Variants in IGF2BP3 observed in about 807,000 individuals in gnomAD.
The protein encoded by IGF2BP3 is insulin like growth factor 2 mRNA binding protein 3, also known as insulin-like growth factor 2 mRNA-binding protein 3.
Under a neutral mutation model 73.8 loss-of-function variants are expected in IGF2BP3, and 9 were observed. The ratio of observed to expected loss-of-function variants is 0.12; its 90% confidence interval spans 0.07 to 0.21. The LOEUF (loss-of-function observed/expected upper bound fraction) is 0.21, where lower values mean the gene tolerates loss of function less well. Among genes scored for constraint, IGF2BP3 ranks in the 10% least tolerant of loss-of-function variants. IGF2BP3 has a pLI of 1.00. For missense variants in IGF2BP3, 542 were observed against 714.0 expected, an observed-to-expected ratio of 0.76 and a Z score of 2.75; for synonymous variants, 258 against 256.7, an observed-to-expected ratio of 1.01 and a Z score of -0.05.
rs768113918 is a variant in IGF2BP3, at chr7:23,469,985, C to A, written c.126G>T (p.Val42=). The A allele has an allele frequency of 6.2e-7, 1 of 1,612,644 alleles. No homozygotes were observed. The highest frequency in any genetic ancestry group is 1.7e-5 in the Admixed American group (1 of 60,006). The change falls in exon 1 of 15, where the codon GTG becomes GTT. Residue 42 remains valine, a synonymous_variant. Coordinates refer to ENST00000258729, the MANE Select transcript of IGF2BP3 (RefSeq NM_006547.3). The surrounding 1 kb of genome is among the most constrained non-coding windows in gnomAD (Gnocchi z 6.1). The part of the protein sequence containing the change: ...PFLVKTGYAF[V]DCPDESWALK... ...GGGCCCAGCTCTCGTCCGGGCAGTCCACGAACGCGTAGCCAGTCTTCACCA... is the reference window on the plus strand; with the variant it reads ...GGGCCCAGCTCTCGTCCGGGCAGTCAACGAACGCGTAGCCAGTCTTCACCA...
chr7:23,356,336 T>A (rs897131822), intron 5 of IGF2BP3, among the ~76,000 whole-genome samples: 2 of 151,754 alleles, frequency 1.3e-5, no homozygotes, highest in Non-Finnish European at 2.9e-5. Context: ...GGAGGGAGGA[T>A]CACTTGAGCC....
intron 10 of IGF2BP3, among the ~76,000 whole-genome samples, chr7:23,331,483 G>C (rs568232617): frequency 6.6e-6 from 1 of 152,064 alleles, no homozygotes; most frequent in African/African-American, 2.4e-5. Context: ...GCATAAGATG[G>C]GTGTGTACAG....
At chr7:23,373,147 T>G (rs189808205) in intron 3 of IGF2BP3, among the ~76,000 whole-genome samples, 17 of 152,358 alleles carry the variant, frequency 1.1e-4, no homozygotes, top group African/African-American at 3.8e-4. Flanking sequence ...AACTCCCATG[T>G]ATCCCCTTGC....
chr7:23,443,825 C>T (rs1230665460), intron 2 of IGF2BP3, among the ~76,000 whole-genome samples: 4 of 151,756 alleles, frequency 2.6e-5, no homozygotes, highest in South Asian at 2.1e-4. Context: ...CTGGCTAACA[C>T]GGTGAAACCC....
intron 10 of IGF2BP3, among the ~76,000 whole-genome samples, chr7:23,321,940 G>C (rs1179449065): frequency 6.6e-6 from 1 of 152,130 alleles, no homozygotes; most frequent in African/African-American, 2.4e-5. Context: ...CGTCATCAAA[G>C]ACCAAAAGTA....
intron 8 of IGF2BP3, among the ~76,000 whole-genome samples, chr7:23,344,687 A>G (rs913067906): frequency 6.6e-6 from 1 of 152,260 alleles, no homozygotes; most frequent in South Asian, 2.1e-4. Flanking sequence ...GATTATTGGT[A>G]CAAATCTCCT....
chr7:23,423,916 G>A (rs559577242), intron 2 of IGF2BP3, among the ~76,000 whole-genome samples: 6 of 151,012 alleles, frequency 4.0e-5, no homozygotes, highest in Admixed American at 3.3e-4. Context: ...TCAGAAGTTC[G>A]AGACCAGCCT....
intron 2 of IGF2BP3, among the ~76,000 whole-genome samples, chr7:23,462,906 G>A (rs993883602): frequency 2.0e-5 from 3 of 152,112 alleles, no homozygotes; most frequent in Admixed American, 6.6e-5. Flanking sequence ...AACTATGTAT[G>A]CTTGCCATCA....
chr7:23,318,034 T>G (rs953390323), intron 11 of IGF2BP3, among the ~76,000 whole-genome samples: 12 of 152,188 alleles, frequency 7.9e-5, no homozygotes, highest in African/African-American at 2.9e-4. Flanking sequence ...TTGAGTTATC[T>G]GGACCATGAT....
At chr7:23,346,309 A>T in intron 7 of IGF2BP3, 1 of 417,982 alleles carries the variant, frequency 2.4e-6, no homozygotes, top group South Asian at 3.2e-5. Flanking sequence ...ATCTTCAGTG[A>T]TGGAGTCTCT....
chr7:23,318,784 C>T (rs1041815320), intron 11 of IGF2BP3, among the ~76,000 whole-genome samples: 1 of 152,126 alleles, frequency 6.6e-6, no homozygotes, highest in African/African-American at 2.4e-5. Flanking sequence ...TTATGTTCTC[C>T]TCTCCTACTG....
intron 2 of IGF2BP3, among the ~76,000 whole-genome samples, chr7:23,428,622 G>A (rs1014661235): frequency 6.6e-6 from 1 of 150,460 alleles, no homozygotes; most frequent in Admixed American, 6.6e-5. Flanking sequence ...TGGGAAAACC[G>A]CTTGGGCCCA....
chr7:23,452,565 A>T (rs1788225936), intron 2 of IGF2BP3, among the ~76,000 whole-genome samples: 1 of 152,042 alleles, frequency 6.6e-6, no homozygotes, highest in South Asian at 2.1e-4. Context: ...ACACTTTGGG[A>T]GGCTGAGACG....
At chr7:23,384,316 A>G (rs1295792791) in intron 3 of IGF2BP3, among the ~76,000 whole-genome samples, 1 of 152,048 alleles carries the variant, frequency 6.6e-6, no homozygotes, top group Non-Finnish European at 1.5e-5. Context: ...GGGAAAGAAC[A>G]AGAGAGCAAT....
intron 10 of IGF2BP3, among the ~76,000 whole-genome samples, chr7:23,327,203 C>T (rs1784323647): frequency 6.6e-6 from 1 of 151,954 alleles, no homozygotes; most frequent in Non-Finnish European, 1.5e-5. Context: ...ATAAATTCAG[C>T]TCCCAAGTAC....
chr7:23,312,097 G>A lies in IGF2BP3; in HGVS notation c.*265C>T. The stretch of plus-strand genomic sequence containing the variant: ...TGAGACTACAACAAAGGGAAGTGCA[G>A]AGCTCTTCTCTTTCCCTCCCTCCCC... On this transcript the variant is annotated 3_prime_UTR_variant, in exon 15 of 15. Coordinates refer to ENST00000258729, the MANE Select transcript of IGF2BP3 (RefSeq NM_006547.3). The A allele has an allele frequency of 6.6e-6, 3 of 455,266 alleles. No individual in the cohort carries two copies. The highest frequency in any genetic ancestry group is 7.8e-6 in the Non-Finnish European group (2 of 256,556). The allele number at this position is 455,266 out of a possible 1,614,324, so 28.2% of individuals were successfully genotyped here.
chr7:23,417,116 A>AG (rs1290609748), intron 3 of IGF2BP3, among the ~76,000 whole-genome samples: 1 of 152,182 alleles, frequency 6.6e-6, no homozygotes, highest in Non-Finnish European at 1.5e-5. Flanking sequence ...AAAAGGAAAT[A>AG]GTGTTCCCTC....
intron 3 of IGF2BP3, among the ~76,000 whole-genome samples, chr7:23,380,411 C>G (rs908712451): frequency 5.9e-5 from 9 of 152,072 alleles, no homozygotes; most frequent in African/African-American, 2.2e-4. Context: ...GATCCATCCG[C>G]TTCGGCCTCC....
intron 3 of IGF2BP3, among the ~76,000 whole-genome samples, chr7:23,380,147 C>T (rs1785860275): frequency 6.7e-6 from 1 of 149,286 alleles, no homozygotes; most frequent in South Asian, 2.1e-4. Flanking sequence ...GGAGACTGCC[C>T]ACTATGCCTC....
Sources: gnomAD v4.1 joint callset for allele counts (sites outside exome capture counted in the v4.1 genomes callset) on GRCh38, gnomAD v4.1.1 for gene constraint, Gnocchi (gnomAD v3.1) non-coding constraint, MANE v1.5 for transcripts, NCBI Gene and HGNC (gene_info 2026-07-23, HGNC 2026-07-21) for gene names.